EYS: variants seen among roughly 807,000 people sequenced by gnomAD.
The protein encoded by EYS is EGF-like photoreceptor maintenance factor.
In EYS, 250 loss-of-function variants were observed where a neutral mutation model predicts 282.1. The observed-to-expected ratio is 0.89, with a 90% CI of 0.80 to 0.98. The LOEUF (loss-of-function observed/expected upper bound fraction) is 0.98, where lower values mean the gene tolerates loss of function less well. EYS is among the 50% of genes least tolerant of loss of function. The pLI is 0.00. For missense variants in EYS, 4,016 were observed against 3,709.0 expected (o/e 1.08, Z -2.15); for synonymous variants, 1,355 against 1,282.9 (o/e 1.06, Z -1.20).
At chr6:64,776,809 C>A (rs949837497) in intron 22 of EYS, among the ~76,000 whole-genome samples, 19 of 152,114 alleles carry the variant, frequency 1.2e-4, no homozygotes, top group African/African-American at 4.3e-4. Context: ...TTTTCCTATG[C>A]TTCATTAGCT....
Position 65,156,413 on chromosome 6 carries a change from C to T in EYS, c.2024-98686G>A, listed in dbSNP as rs117053190. The stretch of plus-strand genomic sequence containing the variant: ...AAATTATATATCCTCTCATATTGTT[C>T]CTGTTCCCATATTTTCTGGACTTCC... On this transcript the variant is annotated intron_variant, in intron 12 of 42. Coordinates refer to ENST00000503581, the MANE Select transcript of EYS (RefSeq NM_001142800.2). 2.0e-3 allele frequency among the ~76,000 whole-genome samples: 297 copies of T among 151,166 alleles called. 4 individuals carry two copies. In the East Asian group the frequency reaches 0.051, roughly 26 times the overall value.
intron 12 of EYS, among the ~76,000 whole-genome samples, chr6:65,239,911 C>G (rs1582053122): frequency 6.6e-6 from 1 of 151,848 alleles, no homozygotes; most frequent in Non-Finnish European, 1.5e-5. Context: ...TAACATTAAA[C>G]ACCTGTACAG....
At chr6:64,469,419 G>C (rs935300812) in intron 26 of EYS, among the ~76,000 whole-genome samples, 1 of 152,094 alleles carries the variant, frequency 6.6e-6, no homozygotes, top group African/African-American at 2.4e-5. Context: ...TCATTAGTTA[G>C]TAGTACTTAC....
Position 64,908,799 on chromosome 6 carries a change from G to C in EYS, c.2641+3685C>G, listed in dbSNP as rs1767906976. Among the ~76,000 whole-genome samples the C allele has an allele frequency of 2.0e-5, 3 of 152,026 alleles. No homozygotes were observed. In the South Asian group the frequency reaches 6.2e-4, roughly 32 times the overall value. ...TTTGTGAGTGTGCAAAAGTTAAAGT[G>C]AAGACAAGACTCAAAGGTGGGTACA... is the stretch of plus-strand genomic sequence containing the variant. On this transcript the variant is annotated intron_variant, in intron 16 of 42. Transcript: ENST00000503581.
chr6:65,523,780 G>T (rs1202899021), intron 2 of EYS, among the ~76,000 whole-genome samples: 1 of 152,142 alleles, frequency 6.6e-6, no homozygotes, highest in Non-Finnish European at 1.5e-5. Context: ...CGTTATGAGA[G>T]AACAAGTTCT....
intron 30 of EYS, among the ~76,000 whole-genome samples, chr6:64,278,531 T>A (rs928985926): frequency 1.3e-5 from 2 of 152,008 alleles, no homozygotes; most frequent in Non-Finnish European, 2.9e-5. Flanking sequence ...AAGGAAAAAA[T>A]TAAACTGTTT....
intron 29 of EYS, among the ~76,000 whole-genome samples, chr6:64,323,197 G>A (rs1459496490): frequency 1.3e-5 from 2 of 151,398 alleles, no homozygotes; most frequent in Non-Finnish European, 2.9e-5. Context: ...TTAGTAGTTT[G>A]TCTCTATTAT....
At chr6:63,827,829 C>G in intron 36 of EYS, among the ~76,000 whole-genome samples, 1 of 124,338 alleles carries the variant, frequency 8.0e-6, no homozygotes, top group East Asian at 2.3e-4. Context: ...CCGGCCTGGG[C>G]GACAGAGCAA....
chr6:64,394,754 T>C (rs1773297042), intron 28 of EYS, among the ~76,000 whole-genome samples: 3 of 151,870 alleles, frequency 2.0e-5, no homozygotes, highest in Non-Finnish European at 4.4e-5. Context: ...CCAAAAGCAA[T>C]GGCAACAAAA....
At chr6:65,328,708 A>T (rs1443946233) in intron 11 of EYS, among the ~76,000 whole-genome samples, 1 of 150,908 alleles carries the variant, frequency 6.6e-6, no homozygotes, top group Admixed American at 6.6e-5. Context: ...AAATTCTATA[A>T]GTTAAAAATA....
intron 29 of EYS, among the ~76,000 whole-genome samples, chr6:64,319,561 C>A (rs978401738): frequency 3.3e-5 from 5 of 151,892 alleles, no homozygotes; most frequent in Non-Finnish European, 7.4e-5. Context: ...TTTTTTAAAA[C>A]AAAGCTTCTA....
At chr6:64,087,618 A>G (rs1191927146) in intron 31 of EYS, among the ~76,000 whole-genome samples, 2 of 152,118 alleles carry the variant, frequency 1.3e-5, no homozygotes, top group African/African-American at 2.4e-5. Flanking sequence ...GGCAAATGCT[A>G]TATTCTTTGA....
At chr6:64,431,279 A>G (rs924252579) in intron 28 of EYS, among the ~76,000 whole-genome samples, 1 of 151,978 alleles carries the variant, frequency 6.6e-6, no homozygotes, top group Non-Finnish European at 1.5e-5. Flanking sequence ...TCTATGCCCA[A>G]ATTTTCTCTT....
At chr6:64,696,818 T>C (rs1418793275) in intron 22 of EYS, among the ~76,000 whole-genome samples, 1 of 152,200 alleles carries the variant, frequency 6.6e-6, no homozygotes, top group Non-Finnish European at 1.5e-5. Context: ...ACCATGAGAC[T>C]GGTCCTACAA....
rs192069072 is a variant in EYS at position 64,544,909 on chromosome 6, A to C, written c.5644+45314T>G. On this transcript the variant is annotated intron_variant, in intron 26 of 42. Transcript: ENST00000503581. Reference sequence around the variant, plus strand: ...TTACCAAGAAAAAAAGTCCAGGACCAGATGGATTCACAGCCAAATTCTACC... The same window carrying C: ...TTACCAAGAAAAAAAGTCCAGGACCCGATGGATTCACAGCCAAATTCTACC... Among the ~76,000 whole-genome samples the C allele has an allele frequency of 6.0e-3, 917 of 152,318 alleles. 11 individuals are homozygous for C. Among genetic ancestry groups the C allele is most frequent in the African/African-American group, 0.021 (869 of 41,570 alleles).
intron 22 of EYS, among the ~76,000 whole-genome samples, chr6:64,694,573 T>C (rs921241917): frequency 3.9e-5 from 6 of 152,132 alleles, no homozygotes; most frequent in African/African-American, 1.2e-4. Context: ...GACCATTCTT[T>C]ATCCTTTAAT....
chr6:64,392,054 T>G (rs1207826856), intron 28 of EYS, among the ~76,000 whole-genome samples: 1 of 151,760 alleles, frequency 6.6e-6, no homozygotes, highest in Non-Finnish European at 1.5e-5. Flanking sequence ...GGTAAAGGGA[T>G]CAATTCAACA....
chr6:64,147,775 G>A lies in EYS; in HGVS notation c.6425-65773C>T, dbSNP rs145913756. 2.8e-3 allele frequency among the ~76,000 whole-genome samples: 422 copies of A among 152,234 alleles called. 1 individual carries two copies. Among genetic ancestry groups the A allele is most frequent in the African/African-American group, 9.3e-3 (386 of 41,538 alleles). ...CTCACTTTTCCAGCCTTCTTTGCCC[G>A]TGCTATGTAGATTGTAGAAGCATGT... On this transcript the variant is annotated intron_variant, in intron 31 of 42. Transcript: ENST00000503581.
chr6:64,320,997 T>C (rs993839617), intron 29 of EYS, among the ~76,000 whole-genome samples: 2 of 151,744 alleles, frequency 1.3e-5, no homozygotes, highest in Non-Finnish European at 3.0e-5. Context: ...ACCCTTACTA[T>C]TACCCTGATT....
Sources: allele counts gnomAD v4.1 joint callset (sites outside exome capture counted in the v4.1 genomes callset), GRCh38; gene constraint gnomAD v4.1.1; transcripts MANE v1.5; gene names NCBI Gene and HGNC (gene_info 2026-07-23, HGNC 2026-07-21).